CCDC42: variants seen among roughly 807,000 people sequenced by gnomAD.
CCDC42 encodes the protein coiled-coil domain containing 42, also known as coiled-coil domain-containing protein 42.
Under a neutral mutation model 40.8 loss-of-function variants are expected in CCDC42, and 38 were observed. The ratio of observed to expected loss-of-function variants is 0.93; its 90% CI spans 0.72 to 1.22. The LOEUF (loss-of-function observed/expected upper bound fraction) is 1.22. Among genes scored for constraint, CCDC42 ranks in the 50% most tolerant of loss-of-function variants. The pLI, the probability that CCDC42 is intolerant of heterozygous loss-of-function variation, is 0.00. For missense variants in CCDC42, 379 were observed against 416.5 expected, an observed-to-expected ratio of 0.91 and a Z score of 0.78; for synonymous variants, 135 against 157.5, an observed-to-expected ratio of 0.86 and a Z score of 1.07.
At chr17:8,743,286 C>T (rs1490018312) in intron 3 of CCDC42, among the ~76,000 whole-genome samples, 2 of 152,284 alleles carry the variant, frequency 1.3e-5, no homozygotes, top group African/African-American at 2.4e-5. Flanking sequence ...CTGTCTCATT[C>T]ATCACTGTAT....
rs777403139 is a variant in CCDC42, at chr17:8,743,698, C to T, written c.222G>A (p.Leu74=). 2 of 1,610,924 alleles carry T rather than the reference C, an allele frequency of 1.2e-6. No individual in the cohort carries two copies. Among genetic ancestry groups the T allele is most frequent in the East Asian group, 4.5e-5 (2 of 44,876 alleles). Residue 74 remains leucine, a synonymous_variant, in exon 3 of 7, where the codon CTG becomes CTA. Coordinates refer to ENST00000293845, the MANE Select transcript of CCDC42 (RefSeq NM_144681.3). ...CCTTAACGCCCAGTTCCTCCCAGCGCAGGTTCAGGGTTTCCATTCTGCGCT... is the reference window on the plus strand; with the variant it reads ...CCTTAACGCCCAGTTCCTCCCAGCGTAGGTTCAGGGTTTCCATTCTGCGCT... ...MFQRRMETLN[L]RWEELGVKEA... is the part of the protein sequence containing the mutation.
chr17:8,731,460 T>C (rs779872905), intron 6 of CCDC42, among the ~76,000 whole-genome samples: 28 of 152,306 alleles, frequency 1.8e-4, no homozygotes, highest in African/African-American at 3.1e-4. Context: ...CATGGGGATG[T>C]TTACTGAAGC....
chr17:8,738,616 C>T (rs1231818093), intron 4 of CCDC42, among the ~76,000 whole-genome samples: 1 of 152,030 alleles, frequency 6.6e-6, no homozygotes. Flanking sequence ...CAGGCACCCG[C>T]CATCACGCCC....
At chr17:8,741,720 C>G in intron 3 of CCDC42, 49 bp from the exon 4 acceptor site, 4 of 1,575,980 alleles carry the variant, frequency 2.5e-6, no homozygotes, top group Non-Finnish European at 3.4e-6. Context: ...CCCAGCCCTC[C>G]CGGGGCCCAG....
intron 6 of CCDC42, among the ~76,000 whole-genome samples, chr17:8,732,289 A>T (rs1157762431): frequency 9.8e-6 from 1 of 101,636 alleles, no homozygotes; most frequent in Non-Finnish European, 1.9e-5. Flanking sequence ...ACAGAGTGAG[A>T]CTCCGTCTCA....
At chr17:8,742,390 C>A (rs1597346843) in intron 3 of CCDC42, among the ~76,000 whole-genome samples, 1 of 152,152 alleles carries the variant, frequency 6.6e-6, no homozygotes, top group East Asian at 1.9e-4. Flanking sequence ...CCTAGGAGCT[C>A]AGACTGGCAT....
chr17:8,735,067 C>T lies in CCDC42; in HGVS notation c.873+29G>A, dbSNP rs540216142. The T allele has an allele frequency of 1.8e-5, 29 of 1,612,372 alleles. No homozygotes were observed. In the East Asian group the frequency reaches 3.1e-4, roughly 17 times the overall value. On this transcript the variant is annotated intron_variant, in intron 6 of 6. Transcript: ENST00000293845. The surrounding 1 kb of genome is among the most constrained non-coding windows in gnomAD (Gnocchi z 4.7). The stretch of plus-strand genomic sequence containing the variant: ...AACCTCCTCGGCCCAGCCGACCCCA[C>T]GGGCCCAGTGCCTGTCCCCTCCTCC...
intron 4 of CCDC42, among the ~76,000 whole-genome samples, chr17:8,737,723 T>G (rs1387434043): frequency 4.6e-5 from 7 of 152,212 alleles, no homozygotes; most frequent in Non-Finnish European, 7.3e-5. Context: ...TAACCTCTTT[T>G]GTGTCTGGCT....
chr17:8,730,634 C>A (rs1418271977), intron 6 of CCDC42, among the ~76,000 whole-genome samples: 1 of 152,132 alleles, frequency 6.6e-6, no homozygotes, highest in Non-Finnish European at 1.5e-5. Context: ...GACACTGCAC[C>A]CAACCATGAC....
chr17:8,736,349 T>A (rs2086611339), intron 4 of CCDC42, among the ~76,000 whole-genome samples: 1 of 152,110 alleles, frequency 6.6e-6, no homozygotes, highest in African/African-American at 2.4e-5. Context: ...ATAGAGAGGG[T>A]GCTGGTGGGG....
intron 6 of CCDC42, among the ~76,000 whole-genome samples, chr17:8,733,275 T>G (rs569186867): frequency 6.6e-5 from 10 of 152,350 alleles, no homozygotes; most frequent in African/African-American, 2.4e-4. Flanking sequence ...AGTTTAAATC[T>G]GTAGGCGACT....
rs367923929 is a variant in CCDC42, at chr17:8,735,742, A to G, written c.493-131T>C. The G allele has an allele frequency of 9.9e-6, 7 of 705,656 alleles. No homozygotes were observed. The highest frequency in any genetic ancestry group is 1.8e-5 in the African/African-American group (1 of 55,990). 43.7% of individuals were successfully genotyped at this position (705,656 alleles called of 1,614,324 possible). On this transcript the variant is annotated intron_variant, in intron 4 of 6. Coordinates refer to ENST00000293845, the MANE Select transcript of CCDC42 (RefSeq NM_144681.3). This position sits in a 1 kb window ranked among gnomAD's most constrained non-coding sequence, Gnocchi z 4.7. ...GGCAGGCAGGCCCTTGGCCAGGGTC[A>G]CGGCCAGAGGCTGTGAGGGACACTG...
intron 3 of CCDC42, among the ~76,000 whole-genome samples, chr17:8,742,631 C>G (rs561287023): frequency 1.3e-5 from 2 of 152,326 alleles, no homozygotes; most frequent in East Asian, 3.9e-4. Flanking sequence ...GAGGAAGGTG[C>G]ATGCAGGATC....
At chr17:8,736,694 G>A (rs73977403) in intron 4 of CCDC42, among the ~76,000 whole-genome samples, 13,148 of 152,148 alleles carry the variant, frequency 0.086, 962 homozygotes, top group East Asian at 0.17. Flanking sequence ...AAAGAGGTAG[G>A]AACAGCCAGA....
chr17:8,738,754 C>G (rs893731985), intron 4 of CCDC42, among the ~76,000 whole-genome samples: 1 of 152,036 alleles, frequency 6.6e-6, no homozygotes, highest in African/African-American at 2.4e-5. Context: ...CGTGAGCCAC[C>G]GCACCTGGCT....
At position 8,743,665 on chromosome 17, in the gene CCDC42, T is replaced by C. The variant is rs201179491; in HGVS notation, c.255A>G (p.Gln85=). The change falls in exon 3 of 7, where the codon CAA becomes CAG. Residue 85 remains glutamine, a synonymous_variant. Transcript: ENST00000293845. ...RWEELGVKEA[Q]LKAHIQKSEQ... ...CAGACTTCTGGATGTGAGCCTTCAG[T>C]TGGGCTTCCTTAACGCCCAGTTCCT... The C allele has an allele frequency of 1.5e-5, 25 of 1,613,076 alleles. No homozygotes were observed. Among genetic ancestry groups the C allele is most frequent in the Admixed American group, 1.2e-4 (7 of 60,022 alleles).
chr17:8,744,259 G>C, intron 1 of CCDC42, 75 bp from the exon 2 acceptor site: 1 of 1,119,464 alleles, frequency 8.9e-7, no homozygotes, highest in Non-Finnish European at 1.3e-6. Context: ...AACCCGTGGA[G>C]ACAGATACCC....
chr17:8,730,197 A>G lies in CCDC42; in HGVS notation c.884T>C (p.Phe295Ser). Residue 295 changes from phenylalanine to serine, a missense_variant, in exon 7 of 7, where the codon TTT (phenylalanine) becomes TCT (serine). Physicochemically the swap from Phe to Ser is radical, Grantham distance 155. Coordinates refer to ENST00000293845, the MANE Select transcript of CCDC42 (RefSeq NM_144681.3). ...CCAGATGTCCGACCGGTCTTGGATA[A>G]ATTGCTGGATCTAGAAAGGCAAGGA... Reference protein sequence around the residue: ...THKQLDMIQQFIQDRSDIWAE... With the variant: ...THKQLDMIQQSIQDRSDIWAE... 1 of 1,613,668 alleles carries G rather than the reference A, an allele frequency of 6.2e-7. No individual in the cohort carries two copies. Among genetic ancestry groups the G allele is most frequent in the Non-Finnish European group, 8.5e-7 (1 of 1,179,780 alleles).
Position 8,735,305 on chromosome 17 carries a change from G to T in CCDC42, c.715-51C>A. 6.2e-7 allele frequency: 1 copy of T among 1,611,698 alleles called. No individual in the cohort carries two copies. Among genetic ancestry groups the T allele is most frequent in the Non-Finnish European group, 8.5e-7 (1 of 1,178,032 alleles). On this transcript the variant is annotated intron_variant, in intron 5 of 6. Transcript: ENST00000293845. The surrounding 1 kb of genome is among the most constrained non-coding windows in gnomAD (Gnocchi z 4.7). ...TGAGCACAGCATGTGGTGTGTGTGT[G>T]TTTGTGTGTATGTGTGTGTGTGTAT...
Sources: allele counts gnomAD v4.1 joint callset (sites outside exome capture counted in the v4.1 genomes callset), GRCh38; gene constraint gnomAD v4.1.1; non-coding constraint Gnocchi (gnomAD v3.1); transcripts MANE v1.5; gene names NCBI Gene and HGNC (gene_info 2026-07-23, HGNC 2026-07-21).